Variants in TMEM74 observed in about 807,000 individuals in gnomAD.
The protein encoded by TMEM74 is transmembrane protein 74.
A neutral mutation model predicts 18.1 loss-of-function variants in TMEM74; 13 were observed. The observed-to-expected ratio is 0.72, with a 90% confidence interval of 0.47 to 1.14. The LOEUF (loss-of-function observed/expected upper bound fraction) is 1.14, where lower values mean the gene tolerates loss of function less well. Among genes scored for constraint, TMEM74 ranks in the 50% most tolerant of loss-of-function variants. The pLI, the probability that TMEM74 is intolerant of heterozygous loss-of-function variation, is 0.00. For missense variants in TMEM74, 372 were observed against 375.9 expected, an observed-to-expected ratio of 0.99 and a Z score of 0.09; for synonymous variants, 159 against 146.6, an observed-to-expected ratio of 1.08 and a Z score of -0.61.
chr8:108,784,168 T>C lies in TMEM74; in HGVS notation c.*13A>G, dbSNP rs1814344274. ...AATGCCAAGGCAGACTCTCAAGATA[T>C]TCACAACCAGAATTAACTCTGTACA... On this transcript the variant is annotated 3_prime_UTR_variant, in exon 2 of 2. Coordinates refer to ENST00000297459, the MANE Select transcript of TMEM74 (RefSeq NM_153015.3). The C allele has an allele frequency of 6.4e-7, 1 of 1,550,518 alleles. No individual in the cohort carries two copies.
chr8:108,676,285 G>A (rs1364236728), intron 1 of TMEM74, among the ~76,000 whole-genome samples: 6 of 152,194 alleles, frequency 3.9e-5, no homozygotes, highest in East Asian at 1.9e-4. Flanking sequence ...CATCTGCTTC[G>A]GAATAAAGCC....
chr8:108,722,208 A>G (rs911628708), intron 1 of TMEM74, among the ~76,000 whole-genome samples: 2 of 152,228 alleles, frequency 1.3e-5, no homozygotes, highest in African/African-American at 4.8e-5. Context: ...AGTTAATCAC[A>G]TCTGCAAAGT....
At chr8:108,681,199 G>T (rs943135023) in intron 1 of TMEM74, among the ~76,000 whole-genome samples, 60 of 152,072 alleles carry the variant, frequency 3.9e-4, no homozygotes, top group African/African-American at 1.4e-3. Flanking sequence ...AAAAGAGCCC[G>T]CATCGCCAAG....
intron 1 of TMEM74, among the ~76,000 whole-genome samples, chr8:108,744,052 C>G (rs1813826101): frequency 6.6e-6 from 1 of 152,078 alleles, no homozygotes; most frequent in South Asian, 2.1e-4. Context: ...GCACCTGCGC[C>G]CTGGGAGGTG....
intron 1 of TMEM74, among the ~76,000 whole-genome samples, chr8:108,668,571 T>C (rs892388607): frequency 1.1e-4 from 16 of 152,138 alleles, no homozygotes; most frequent in African/African-American, 3.9e-4. Flanking sequence ...TATTCCCATT[T>C]TAAGGATAAG....
rs531014673 is a variant in TMEM74, at chr8:108,656,010, G to A, written n.120-573C>T. Among the ~76,000 whole-genome samples the A allele has an allele frequency of 2.0e-5, 3 of 152,202 alleles. No homozygotes were observed. The South Asian group carries it at 6.2e-4, about 32-fold the overall frequency. On this transcript the variant is annotated intron_variant and non_coding_transcript_variant, in intron 1 of 3. Coordinates refer to the TMEM74 transcript ENST00000518838. ...TAATCCCACACTCATGAGTGTGCCA[G>A]GCACACATCATTTGGTGGTGCTGAT... is the stretch of plus-strand genomic sequence containing the variant.
At chr8:108,659,243 G>C (rs1013312059) in intron 1 of TMEM74, among the ~76,000 whole-genome samples, 3 of 22,138 alleles carry the variant, frequency 1.4e-4, no homozygotes, top group Admixed American at 8.0e-4. Flanking sequence ...GGCCTTTATA[G>C]ATAGCCCACT....
Position 108,634,978 on chromosome 8 carries a change from G to A in TMEM74, n.264+20315C>T, listed in dbSNP as rs374989002. ...ATATTCTCTTCCTTCTTATTGTCAC[G>A]TAACATTGTAGCTGGCCTTGTATAT... On this transcript the variant is annotated intron_variant and non_coding_transcript_variant, in intron 2 of 3. Transcript: ENST00000518838. Among the ~76,000 whole-genome samples the A allele has an allele frequency of 9.5e-4, 144 of 151,978 alleles. 1 individual carries two copies. Among genetic ancestry groups the A allele is most frequent in the African/African-American group, 2.3e-3 (95 of 41,504 alleles).
chr8:108,675,057 A>G (rs557788013), intron 1 of TMEM74, among the ~76,000 whole-genome samples: 1 of 152,280 alleles, frequency 6.6e-6, no homozygotes, highest in Admixed American at 6.5e-5. Context: ...AAGTTGGTGT[A>G]TATATACCCC....
intron 1 of TMEM74, among the ~76,000 whole-genome samples, chr8:108,763,278 A>G (rs573220986): frequency 5.4e-4 from 80 of 148,580 alleles, no homozygotes; most frequent in African/African-American, 2.0e-3. Context: ...CACAAGGGAA[A>G]ACAGAACCCA....
intron 2 of TMEM74, among the ~76,000 whole-genome samples, chr8:108,640,450 A>G (rs1241407375): frequency 6.6e-6 from 1 of 152,002 alleles, no homozygotes; most frequent in African/African-American, 2.4e-5. Flanking sequence ...TTTTAGCTTC[A>G]TCATTTAAAT....
intron 1 of TMEM74, among the ~76,000 whole-genome samples, chr8:108,737,451 T>C (rs1813759948): frequency 6.6e-6 from 1 of 152,226 alleles, no homozygotes; most frequent in Non-Finnish European, 1.5e-5. Flanking sequence ...CCTTTGGATC[T>C]GGTTCATGCA....
At chr8:108,786,404 C>A (rs557412821) in intron 1 of TMEM74, among the ~76,000 whole-genome samples, 1 of 152,142 alleles carries the variant, frequency 6.6e-6, no homozygotes, top group African/African-American at 2.4e-5. Flanking sequence ...TTTAACCCAA[C>A]GGCTTGAGGC....
chr8:108,678,660 GC>G lies in TMEM74; in HGVS notation n.120-23224del, dbSNP rs1352682867. Among the ~76,000 whole-genome samples the G allele has an allele frequency of 6.1e-4, 91 of 150,282 alleles. 1 individual carries two copies. Among genetic ancestry groups the G allele is most frequent in the African/African-American group, 2.2e-3 (90 of 41,062 alleles). On this transcript the variant is annotated intron_variant and non_coding_transcript_variant, in intron 1 of 3. Coordinates refer to the TMEM74 transcript ENST00000518838. The stretch of plus-strand genomic sequence containing the variant: ...CCATTATTATTGTCATGCCCAATTT[GC>G]TTAGGTTCTCTTTTTTTTTTCTTAT...
intron 2 of TMEM74, among the ~76,000 whole-genome samples, chr8:108,639,097 C>T (rs1326674938): frequency 6.6e-6 from 1 of 152,124 alleles, no homozygotes; most frequent in East Asian, 1.9e-4. Flanking sequence ...AGCTTCTCTT[C>T]TGGGTAATCG....
intron 1 of TMEM74, among the ~76,000 whole-genome samples, chr8:108,734,837 G>A (rs1249925123): frequency 6.6e-6 from 1 of 152,170 alleles, no homozygotes; most frequent in Non-Finnish European, 1.5e-5. Context: ...TCAGGCCTGT[G>A]TATGGCACTA....
intron 1 of TMEM74, among the ~76,000 whole-genome samples, chr8:108,748,997 A>G (rs1813878962): frequency 1.3e-5 from 2 of 151,996 alleles, no homozygotes; most frequent in Admixed American, 1.3e-4. Context: ...TGTGTTTTGT[A>G]TGAGAATATA....
chr8:108,757,527 G>C (rs538721212), intron 1 of TMEM74, among the ~76,000 whole-genome samples: 1 of 151,826 alleles, frequency 6.6e-6, no homozygotes, highest in Non-Finnish European at 1.5e-5. Flanking sequence ...TTATATAATA[G>C]AGTAAGTTAA....
At chr8:108,703,871 T>C (rs149598897) in intron 1 of TMEM74, among the ~76,000 whole-genome samples, 3 of 152,344 alleles carry the variant, frequency 2.0e-5, no homozygotes, top group Non-Finnish European at 4.4e-5. Context: ...TCTGTACTCA[T>C]ACCAAACTCA....
Sources: allele counts gnomAD v4.1 joint callset (sites outside exome capture counted in the v4.1 genomes callset), GRCh38; gene constraint gnomAD v4.1.1; transcripts MANE v1.5; gene names NCBI Gene and HGNC (gene_info 2026-07-23, HGNC 2026-07-21).